Variants in SLC1A2 observed in about 807,000 individuals in gnomAD.
SLC1A2 encodes excitatory amino acid transporter 2.
SLC1A2 carries 15 observed loss-of-function variants against 48.8 expected under a neutral mutation model. The ratio of observed to expected loss-of-function variants is 0.31; its 90% confidence interval spans 0.21 to 0.47. The LOEUF (loss-of-function observed/expected upper bound fraction) is 0.47, where lower values mean the gene tolerates loss of function less well. SLC1A2 is among the 20% of genes least tolerant of loss of function. The probability of loss-of-function intolerance (pLI) is 0.99; values close to 1 mark genes in which losing one functional copy is unlikely to be tolerated. For missense variants in SLC1A2, 502 were observed against 730.5 expected, an observed-to-expected ratio of 0.69 and a Z score of 3.61; for synonymous variants, 279 against 272.6, an observed-to-expected ratio of 1.02 and a Z score of -0.23.
chr11:35,306,019 A>G (rs912352014), intron 5 of SLC1A2, 55 bp downstream of exon 5: 8 of 1,538,882 alleles, frequency 5.2e-6, no homozygotes, highest in East Asian at 2.3e-5. Context: ...AAGGGAGTGC[A>G]GGATAGCCCA....
chr11:35,312,400 G>T lies in SLC1A2; in HGVS notation c.359C>A (p.Ala120Asp), dbSNP rs1366811247. The change falls in exon 4 of 11, where the codon GCC (alanine) becomes GAC (aspartate). Residue 120 changes from alanine (A) to aspartate (D), a missense_variant. Coordinates refer to ENST00000278379, the MANE Select transcript of SLC1A2 (RefSeq NM_004171.4). ...AKASGRLGTRAMVYYMSTTII... is the reference protein window; with the variant it reads ...AKASGRLGTRDMVYYMSTTII... ...GGTCGTGGACATGTAATACACCATG[G>T]CTCTCGTGCCCAAGCGGCCACTAGC... 1 of 1,614,096 alleles carries T rather than the reference G, an allele frequency of 6.2e-7. No homozygotes were observed. The highest frequency in any genetic ancestry group is 1.7e-5 in the Admixed American group (1 of 60,028).
rs187700251 is a variant in SLC1A2, at chr11:35,388,879, T to C, written c.17+30071A>G. On this transcript the variant is annotated intron_variant, in intron 1 of 10. Coordinates refer to ENST00000278379, the MANE Select transcript of SLC1A2 (RefSeq NM_004171.4). ...ACCAAATATCACATGTTGTCACTTA[T>C]AAGTGGTAGCTAATCACTGGGTACA... Among the ~76,000 whole-genome samples, 412 of 152,320 alleles carry C rather than the reference T, an allele frequency of 2.7e-3. 1 individual carries two copies. The Middle Eastern group carries it at 0.041, about 15-fold the overall frequency.
intron 1 of SLC1A2, among the ~76,000 whole-genome samples, chr11:35,323,719 G>T (rs1445487413): frequency 6.6e-6 from 1 of 152,200 alleles, no homozygotes; most frequent in African/African-American, 2.4e-5. Context: ...GGGAAAGGTA[G>T]AGATGAGCGA....
intron 5 of SLC1A2, 86 bp from the exon 6 acceptor site, chr11:35,301,731 G>C (rs1565225842): frequency 9.2e-6 from 12 of 1,305,652 alleles, no homozygotes; most frequent in South Asian, 1.3e-5. Flanking sequence ...CCAATGTATG[G>C]AGCCATGTTC....
At chr11:35,290,966 T>C (rs1850982181) in intron 7 of SLC1A2, among the ~76,000 whole-genome samples, 1 of 152,170 alleles carries the variant, frequency 6.6e-6, no homozygotes. Flanking sequence ...GTTGGCATTA[T>C]TGGTCTGTTA....
chr11:35,349,523 C>T (rs1331039386), intron 1 of SLC1A2, among the ~76,000 whole-genome samples: 1 of 152,172 alleles, frequency 6.6e-6, no homozygotes, highest in Non-Finnish European at 1.5e-5. Flanking sequence ...CCTTTTACTC[C>T]CTTCCGTTAG....
chr11:35,304,855 T>A (rs192610629), intron 5 of SLC1A2, among the ~76,000 whole-genome samples: 1 of 152,342 alleles, frequency 6.6e-6, no homozygotes, highest in Admixed American at 6.5e-5. Flanking sequence ...ATTTGTGACT[T>A]ACACTAAAAA....
intron 8 of SLC1A2, 127 bp from the exon 9 acceptor site, chr11:35,281,128 C>T: frequency 7.9e-7 from 1 of 1,272,916 alleles, no homozygotes; most frequent in Middle Eastern, 2.7e-4. Context: ...CCCATACTCT[C>T]CACCAAGGAA....
At chr11:35,406,108 T>C (rs769013938) in intron 1 of SLC1A2, among the ~76,000 whole-genome samples, 1 of 152,158 alleles carries the variant, frequency 6.6e-6, no homozygotes, top group South Asian at 2.1e-4. Context: ...CACACTCTGT[T>C]ATGATGAGTT....
chr11:35,368,160 A>G (rs1044831187), intron 1 of SLC1A2, among the ~76,000 whole-genome samples: 2 of 152,140 alleles, frequency 1.3e-5, no homozygotes, highest in Admixed American at 1.3e-4. Context: ...TGCACCCCCA[A>G]TCATCTCATG....
At chr11:35,275,479 C>T (rs1344676572) in intron 9 of SLC1A2, among the ~76,000 whole-genome samples, 10 of 152,216 alleles carry the variant, frequency 6.6e-5, no homozygotes, top group South Asian at 4.1e-4. Flanking sequence ...GGGCTCCTGA[C>T]GCAAAGGGCT....
intron 1 of SLC1A2, among the ~76,000 whole-genome samples, chr11:35,328,938 A>G (rs1328724871): frequency 6.6e-6 from 1 of 152,212 alleles, no homozygotes; most frequent in Non-Finnish European, 1.5e-5. Context: ...TGTCCACACA[A>G]AACACTGCAC....
intron 1 of SLC1A2, among the ~76,000 whole-genome samples, chr11:35,411,182 T>C (rs1169032899): frequency 2.0e-5 from 3 of 152,254 alleles, no homozygotes; most frequent in Non-Finnish European, 2.9e-5. Context: ...TATAATTCCA[T>C]TACTCTCTAA....
intron 8 of SLC1A2, chr11:35,286,372 C>A (rs1386326594): frequency 1.3e-5 from 2 of 157,372 alleles, no homozygotes; most frequent in Non-Finnish European, 2.8e-5. Context: ...AGTTACAGTC[C>A]TGCCAAATCA....
intron 1 of SLC1A2, among the ~76,000 whole-genome samples, chr11:35,380,992 ACTC>A (rs948876536): frequency 1.4e-4 from 22 of 152,040 alleles, no homozygotes; most frequent in African/African-American, 4.8e-4. Context: ...AGAAAAGAAA[ACTC>A]CTTGACAAAC....
intron 1 of SLC1A2, among the ~76,000 whole-genome samples, chr11:35,406,543 G>A (rs115653967): frequency 0.012 from 1,771 of 152,148 alleles, 37 homozygotes; most frequent in African/African-American, 0.041. Context: ...GGTAGAAAGT[G>A]GTTCTGGAAA....
intron 1 of SLC1A2, among the ~76,000 whole-genome samples, chr11:35,335,167 TG>T (rs1173091171): frequency 2.6e-5 from 4 of 152,218 alleles, no homozygotes; most frequent in East Asian, 1.9e-4. Flanking sequence ...TATGCATTGA[TG>T]GGGGGGAAGT....
Position 35,301,520 on chromosome 11 carries a change from A to G in SLC1A2, c.856T>C (p.Trp286Arg). Residue 286 changes from tryptophan (W) to arginine (R), a missense_variant and splice_region_variant, in exon 6 of 11, where the codon TGG (tryptophan) becomes CGG (arginine). Coordinates refer to ENST00000278379, the MANE Select transcript of SLC1A2 (RefSeq NM_004171.4). ...AGAAGTAAGAACAAGGCCACTTACC[A>G]CATGATCATGATCACTAACTTCATT... ...IVMKLVIMIM[W>R]YSPLGIACLI... is the part of the protein sequence containing the mutation. The G allele has an allele frequency of 6.2e-7, 1 of 1,613,578 alleles. No homozygotes were observed. Among genetic ancestry groups the G allele is most frequent in the Non-Finnish European group, 8.5e-7 (1 of 1,179,628 alleles).
chr11:35,254,903 G>C lies in SLC1A2; in HGVS notation c.*5991C>G, dbSNP rs1950292960. 2.4e-6 allele frequency: 1 copy of C among 421,018 alleles called. No homozygotes were observed. Among genetic ancestry groups the C allele is most frequent in the African/African-American group, 2.1e-5 (1 of 48,292 alleles). The allele number at this position is 421,018 out of a possible 1,614,324, so 26.1% of individuals were successfully genotyped here. On this transcript the variant is annotated 3_prime_UTR_variant, in exon 11 of 11. Coordinates refer to ENST00000278379, the MANE Select transcript of SLC1A2 (RefSeq NM_004171.4). ...GCAAGGCTGGACATAGAAAAAAACT[G>C]ATCAGTAGTTATTCAGGATATTATT...
Sources: allele counts gnomAD v4.1 joint callset (sites outside exome capture counted in the v4.1 genomes callset), GRCh38; gene constraint gnomAD v4.1.1; transcripts MANE v1.5; gene names NCBI Gene and HGNC (gene_info 2026-07-23, HGNC 2026-07-21).